Variants in CEP83 observed in about 807,000 individuals in gnomAD.
CEP83 encodes the protein centrosomal protein of 83 kDa.
Under a neutral mutation model 101.9 loss-of-function variants are expected in CEP83, and 70 were observed. The observed-to-expected ratio is 0.69, with a 90% CI of 0.57 to 0.84. CEP83 has a LOEUF of 0.84. Ranked by LOEUF, CEP83 falls within the 40% of genes least tolerant of loss-of-function variation. CEP83 has a pLI of 0.00. For synonymous variants in CEP83, 264 were observed against 267.9 expected (o/e 0.99, Z 0.14); for missense variants, 715 against 787.2 (o/e 0.91, Z 1.10).
intron 14 of CEP83, among the ~76,000 whole-genome samples, chr12:94,330,987 A>G (rs968077491): frequency 1.3e-5 from 2 of 152,154 alleles, no homozygotes; most frequent in African/African-American, 4.8e-5. Flanking sequence ...TATATACTTT[A>G]TTCTCCTATA....
downstream of CEP83, among the ~76,000 whole-genome samples, chr12:94,301,925 C>T (rs1968503730): frequency 1.3e-5 from 2 of 152,212 alleles, no homozygotes; most frequent in Non-Finnish European, 2.9e-5. Context: ...TTACTTCTGT[C>T]TCAAATGTCT....
At chr12:94,290,591 A>C in the CEP83 span, among the ~76,000 whole-genome samples, 1 of 151,998 alleles carries the variant, frequency 6.6e-6, no homozygotes, top group African/African-American at 2.4e-5. Flanking sequence ...GGCTGGCTGG[A>C]CAGCTGTGTT....
rs771098639 is a variant in CEP83 at position 94,412,508 on chromosome 12, C to T, written c.-18G>A. 4.4e-6 allele frequency: 7 copies of T among 1,607,370 alleles called. No homozygotes were observed. The highest frequency in any genetic ancestry group is 5.9e-6 in the Non-Finnish European group (7 of 1,177,416). On this transcript the variant is annotated 5_prime_UTR_variant, in exon 3 of 17. Transcript: ENST00000397809. ...ACAACCATGTAAAAATAAGTTTTGG[C>T]TTTCTTACTGTTTTAGTTTTCTTTC...
At chr12:94,289,822 A>G in the CEP83 span, among the ~76,000 whole-genome samples, 1 of 152,198 alleles carries the variant, frequency 6.6e-6, no homozygotes, top group African/African-American at 2.4e-5. Flanking sequence ...CAGCTGTGAA[A>G]GTTAGAAATG....
intron 2 of CEP83, among the ~76,000 whole-genome samples, chr12:94,425,900 C>T (rs979245488): frequency 5.3e-5 from 8 of 152,094 alleles, no homozygotes; most frequent in African/African-American, 1.9e-4. Flanking sequence ...GTGGGCGGAT[C>T]ACGAGGTCAG....
intron 6 of CEP83, among the ~76,000 whole-genome samples, chr12:94,397,421 C>G (rs1361808572): frequency 6.6e-6 from 1 of 152,096 alleles, no homozygotes; most frequent in East Asian, 1.9e-4. Flanking sequence ...TCACTTGAAC[C>G]TGGGAGGCAG....
chr12:94,330,784 GAAACTATCACTCTGAA>G (rs1331550445), intron 14 of CEP83, among the ~76,000 whole-genome samples: 1 of 152,148 alleles, frequency 6.6e-6, no homozygotes, highest in Non-Finnish European at 1.5e-5. Flanking sequence ...GGATGGCCTG[GAAACTATCACTCTGAA>G]AAACACCTTC....
the CEP83 span, among the ~76,000 whole-genome samples, chr12:94,268,612 T>TTAA: frequency 1.5e-5 from 2 of 130,768 alleles, no homozygotes; most frequent in East Asian, 2.3e-4. Flanking sequence ...TTTTTTTTTT[T>TTAA]AATTTAAGGA....
At chr12:94,424,871 G>C (rs2065061661) in intron 2 of CEP83, 6 of 1,600,940 alleles carry the variant, frequency 3.7e-6, no homozygotes, top group Non-Finnish European at 5.1e-6. Context: ...TGGGCTAGGT[G>C]GTGCCATCTG....
chr12:94,428,328 G>T (rs1328073737), intron 2 of CEP83, among the ~76,000 whole-genome samples: 2 of 152,162 alleles, frequency 1.3e-5, no homozygotes, highest in African/African-American at 4.8e-5. Context: ...TGAGCACTTA[G>T]CACCTCTGTG....
intron 2 of CEP83, among the ~76,000 whole-genome samples, chr12:94,416,985 CA>C (rs1050416923): frequency 2.0e-5 from 3 of 151,650 alleles, no homozygotes; most frequent in East Asian, 3.9e-4. Flanking sequence ...ACCCCCCTCC[CA>C]AAAAAAACTA....
intron 11 of CEP83, among the ~76,000 whole-genome samples, chr12:94,362,894 A>C (rs2060839777): frequency 6.6e-6 from 1 of 152,160 alleles, no homozygotes; most frequent in African/African-American, 2.4e-5. Context: ...CAACATGGAC[A>C]AGTATGGAGG....
chr12:94,378,375 T>C (rs1359543675), intron 7 of CEP83, among the ~76,000 whole-genome samples: 1 of 152,198 alleles, frequency 6.6e-6, no homozygotes, highest in Non-Finnish European at 1.5e-5. Flanking sequence ...TACATCAGTA[T>C]GGTATTTCTG....
chr12:94,451,932 C>A (rs571547914), intron 1 of CEP83, among the ~76,000 whole-genome samples: 2 of 152,264 alleles, frequency 1.3e-5, no homozygotes, highest in South Asian at 4.1e-4. Context: ...AAATACTATT[C>A]ACTGGTTACC....
chr12:94,358,738 C>T (rs2060598511), intron 11 of CEP83, among the ~76,000 whole-genome samples: 2 of 152,204 alleles, frequency 1.3e-5, no homozygotes, highest in African/African-American at 2.4e-5. Context: ...AAAAAACTGG[C>T]CTGATTCCTG....
At chr12:94,311,011 A>G (rs1438780876) in intron 15 of CEP83, among the ~76,000 whole-genome samples, 1 of 152,102 alleles carries the variant, frequency 6.6e-6, no homozygotes, top group Non-Finnish European at 1.5e-5. Flanking sequence ...GCATGATTAG[A>G]GGGTTGGAAC....
chr12:94,345,625 A>T (rs1198648046), intron 11 of CEP83, among the ~76,000 whole-genome samples: 1 of 152,006 alleles, frequency 6.6e-6, no homozygotes, highest in Admixed American at 6.5e-5. Flanking sequence ...CTGTCTTGGA[A>T]CTGGTCATAA....
chr12:94,429,238 C>A (rs2065434137), intron 2 of CEP83, among the ~76,000 whole-genome samples: 1 of 152,156 alleles, frequency 6.6e-6, no homozygotes, highest in Non-Finnish European at 1.5e-5. Context: ...GGAGAGAATT[C>A]CCAGTCAGGG....
intron 2 of CEP83, among the ~76,000 whole-genome samples, chr12:94,416,925 T>C (rs2064318755): frequency 2.6e-5 from 4 of 151,840 alleles, no homozygotes; most frequent in Admixed American, 6.6e-5. Context: ...GAAGATCACA[T>C]GGGGAGCCAG....
Sources: allele counts gnomAD v4.1 joint callset (sites outside exome capture counted in the v4.1 genomes callset), GRCh38; gene constraint gnomAD v4.1.1; transcripts MANE v1.5; gene names NCBI Gene and HGNC (gene_info 2026-07-23, HGNC 2026-07-21).